The following STK40 variants were observed in gnomAD, a reference collection of about 807,000 sequenced individuals.
STK40 encodes the protein serine/threonine kinase 40, also known as serine/threonine-protein kinase 40.
STK40 carries 13 observed loss-of-function variants against 47.9 expected under a neutral mutation model. The observed-to-expected ratio is 0.27, with a 90% CI of 0.18 to 0.43. The LOEUF (loss-of-function observed/expected upper bound fraction) is 0.43. STK40 is among the 20% of genes least tolerant of loss of function. STK40 has a pLI of 1.00. For missense variants in STK40, 460 were observed against 595.1 expected (o/e 0.77, Z 2.36); for synonymous variants, 225 against 243.2 (o/e 0.93, Z 0.69).
chr1:36,359,958 C>T (rs970544113), intron 2 of STK40, among the ~76,000 whole-genome samples: 23 of 152,330 alleles, frequency 1.5e-4, no homozygotes, highest in African/African-American at 5.5e-4. Context: ...TGCTTCTCCT[C>T]CTCAGGTGTC....
intron 1 of STK40, chr1:36,367,747 A>C: frequency 1.1e-6 from 1 of 933,412 alleles, no homozygotes. Context: ...CCCAACTACA[A>C]AGGAGCTGAA....
chr1:36,350,965 G>A (rs1646746990), intron 6 of STK40, among the ~76,000 whole-genome samples: 2 of 152,212 alleles, frequency 1.3e-5, no homozygotes, highest in African/African-American at 4.8e-5. Flanking sequence ...CCCAAGTGGG[G>A]GGTGCATGGC....
At chr1:36,362,672 A>C (rs1310443906) in intron 1 of STK40, 6 of 152,214 alleles carry the variant, frequency 3.9e-5, no homozygotes, top group Non-Finnish European at 1.5e-5. Flanking sequence ...GAAACATTAG[A>C]AAATACGCAT....
At position 36,359,621 on chromosome 1, in the gene STK40, A is replaced by G. The variant is rs1448032509; in HGVS notation, c.113-799T>C. Among the ~76,000 whole-genome samples the G allele has an allele frequency of 4.6e-5, 7 of 152,314 alleles. No individual in the cohort carries two copies. In the East Asian group the frequency reaches 1.2e-3, roughly 25 times the overall value. On this transcript the variant is annotated intron_variant, in intron 2 of 10. Coordinates refer to ENST00000373132, the MANE Select transcript of STK40 (RefSeq NM_001282547.2). Reference sequence around the variant, plus strand: ...ACCTTGCCCAAGCTTTGAGAGTGGAAATCTGATGTCACAGTGCCACTGCTG... The same window carrying G: ...ACCTTGCCCAAGCTTTGAGAGTGGAGATCTGATGTCACAGTGCCACTGCTG...
intron 1 of STK40, among the ~76,000 whole-genome samples, chr1:36,379,474 T>C (rs1343338718): frequency 6.6e-6 from 1 of 150,552 alleles, no homozygotes; most frequent in Non-Finnish European, 1.5e-5. Context: ...CTCCGCCTCC[T>C]GGGTTCACGC....
At chr1:36,360,509 C>CACTTTATTTT (rs748415351) in intron 2 of STK40, among the ~76,000 whole-genome samples, 3 of 148,976 alleles carry the variant, frequency 2.0e-5, no homozygotes, top group Middle Eastern at 3.4e-3. Context: ...CTTGGGTTTT[C>CACTTTATTTT]ATTTTATTTT....
At chr1:36,344,676 A>G (rs1191707216) in intron 7 of STK40, among the ~76,000 whole-genome samples, 1 of 152,108 alleles carries the variant, frequency 6.6e-6, no homozygotes, top group Non-Finnish European at 1.5e-5. Flanking sequence ...CCGGATGACT[A>G]CTTGCAGGTC....
At chr1:36,358,503 A>T (rs1646824677) in intron 3 of STK40, 121 bp from the exon 4 acceptor site, 1 of 1,361,558 alleles carries the variant, frequency 7.3e-7, no homozygotes, top group African/African-American at 1.4e-5. Flanking sequence ...ATGCACACAC[A>T]AACACACCAA....
intron 7 of STK40, among the ~76,000 whole-genome samples, chr1:36,344,751 C>T (rs1281151079): frequency 6.6e-6 from 1 of 152,220 alleles, no homozygotes; most frequent in African/African-American, 2.4e-5. Context: ...GGTGCAGGTG[C>T]CTCCCTGCGG....
At position 36,358,758 on chromosome 1, in the gene STK40, C is replaced by G; in HGVS notation, c.177G>C (p.Thr59=). 6.2e-7 allele frequency: 1 copy of G among 1,614,162 alleles called. No homozygotes were observed. The highest frequency in any genetic ancestry group is 8.5e-7 in the Non-Finnish European group (1 of 1,180,026). ...IVQCLARKDG[T]DDFYQLKILT... ...TTACCTTCAGCTGATAGAAGTCATC[C>G]GTGCCATCTTTCCTCGCCAAACACT... The change falls in exon 3 of 11, where the codon ACG becomes ACC. Residue 59 remains threonine, a synonymous_variant. Transcript: ENST00000373132.
intron 2 of STK40, among the ~76,000 whole-genome samples, chr1:36,359,838 T>C (rs147725449): frequency 3.3e-5 from 5 of 152,348 alleles, no homozygotes; most frequent in African/African-American, 1.2e-4. Context: ...CTCCAGCTCC[T>C]AATGTTGGGC....
At chr1:36,366,624 C>G (rs981834852) in intron 1 of STK40, among the ~76,000 whole-genome samples, 2 of 152,088 alleles carry the variant, frequency 1.3e-5, no homozygotes, top group Admixed American at 6.6e-5. Context: ...CTCTAGAGGG[C>G]CTGCTCAGAG....
Position 36,341,508 on chromosome 1 carries a change from G to T in STK40, c.*247C>A. 1.8e-6 allele frequency: 1 copy of T among 544,592 alleles called. No homozygotes were observed. The highest frequency in any genetic ancestry group is 3.3e-6 in the Non-Finnish European group (1 of 302,124). The allele number at this position is 544,592 out of a possible 1,614,324, so 33.7% of individuals were successfully genotyped here. ...AGAGACAGAGGTAGATTAAAACATC[G>T]TGATTAAAAGCAGATTAGTTATCTA... On this transcript the variant is annotated 3_prime_UTR_variant, in exon 11 of 11. Coordinates refer to ENST00000373132, the MANE Select transcript of STK40 (RefSeq NM_001282547.2).
At chr1:36,376,735 A>T (rs1646995516) in intron 1 of STK40, among the ~76,000 whole-genome samples, 1 of 152,214 alleles carries the variant, frequency 6.6e-6, no homozygotes, top group Non-Finnish European at 1.5e-5. Context: ...TATGTACAAC[A>T]TAATCCTACT....
intron 1 of STK40, among the ~76,000 whole-genome samples, chr1:36,379,984 A>G (rs1647026495): frequency 6.6e-6 from 1 of 152,234 alleles, no homozygotes; most frequent in Non-Finnish European, 1.5e-5. Flanking sequence ...GTTTGTTAGC[A>G]GAGAGCTTGT....
At chr1:36,350,430 T>C (rs1385523884) in intron 6 of STK40, among the ~76,000 whole-genome samples, 1 of 152,172 alleles carries the variant, frequency 6.6e-6, no homozygotes, top group Non-Finnish European at 1.5e-5. Context: ...CTCAAGACGC[T>C]GAGAGGAGGA....
intron 1 of STK40, among the ~76,000 whole-genome samples, chr1:36,368,307 C>T (rs1457251666): frequency 6.6e-6 from 1 of 152,114 alleles, no homozygotes; most frequent in African/African-American, 2.4e-5. Flanking sequence ...CAGGGTCTTG[C>T]TCTGTCACCC....
intron 7 of STK40, among the ~76,000 whole-genome samples, chr1:36,347,583 G>A (rs181790595): frequency 1.5e-4 from 23 of 152,280 alleles, no homozygotes; most frequent in Non-Finnish European, 3.1e-4. Flanking sequence ...CAGATAACGC[G>A]AGTCACGCTC....
chr1:36,381,480 C>A (rs1647038743), intron 1 of STK40, among the ~76,000 whole-genome samples: 1 of 152,018 alleles, frequency 6.6e-6, no homozygotes, highest in Admixed American at 6.5e-5. Flanking sequence ...CTTCACGATC[C>A]AATTCAAGTT....
Sources: allele counts gnomAD v4.1 joint callset (sites outside exome capture counted in the v4.1 genomes callset), GRCh38; gene constraint gnomAD v4.1.1; transcripts MANE v1.5; gene names NCBI Gene and HGNC (gene_info 2026-07-23, HGNC 2026-07-21).